Variants in FGFR4 observed in about 807,000 individuals in gnomAD.
The protein encoded by FGFR4 is hydroxyaryl-protein kinase.
In FGFR4, 63 loss-of-function variants were observed where a neutral mutation model predicts 89.9. The observed-to-expected ratio is 0.70, with a 90% confidence interval of 0.57 to 0.86. The LOEUF is 0.86. Ranked by LOEUF, FGFR4 falls within the 40% of genes least tolerant of loss-of-function variation. FGFR4 has a pLI of 0.00. For synonymous variants in FGFR4, 486 were observed against 479.4 expected (o/e 1.01, Z -0.18); for missense variants, 928 against 1,106.7 (o/e 0.84, Z 2.29).
rs1013915327 is a variant in FGFR4, at chr5:177,096,209, G to A, written c.1944+30G>A. On this transcript the variant is annotated intron_variant, in intron 14 of 17. Coordinates refer to ENST00000292408, the MANE Select transcript of FGFR4 (RefSeq NM_213647.3). ...GGGAGATGGGGCAGAACTGGATGGG[G>A]GTGGAGGGGCACTGGGCCCGGGGTG... The A allele has an allele frequency of 3.1e-6, 5 of 1,613,338 alleles. No individual in the cohort carries two copies. In the Admixed American group the frequency reaches 6.7e-5, roughly 22 times the overall value.
intron 15 of FGFR4, 116 bp downstream of exon 15, chr5:177,096,473 C>T (rs905140403): frequency 5.9e-5 from 90 of 1,521,698 alleles, no homozygotes; most frequent in Middle Eastern, 1.8e-4. Context: ...GTCTGGGACC[C>T]GAGTGGGCCC....
At position 177,092,376 on chromosome 5, in the gene FGFR4, C is replaced by T. The variant is rs45460599; in HGVS notation, c.783C>T (p.Ala261=). The T allele has an allele frequency of 2.3e-3, 3,657 of 1,607,078 alleles. 7 individuals are homozygous for T. Among genetic ancestry groups the T allele is most frequent in the Non-Finnish European group, 2.9e-3 (3,417 of 1,174,886 alleles). The part of the protein sequence containing the change: ...LQAGLPANTT[A]VVGSDVELLC... ...CCGGGCTCCCGGCCAACACCACAGCCGTGGTGGGCAGCGACGTGGAGCTGC... is the reference window on the plus strand; with the variant it reads ...CCGGGCTCCCGGCCAACACCACAGCTGTGGTGGGCAGCGACGTGGAGCTGC... The change falls in exon 7 of 18, where the codon GCC becomes GCT. Residue 261 remains alanine (A), a synonymous_variant. Coordinates refer to ENST00000292408, the MANE Select transcript of FGFR4 (RefSeq NM_213647.3).
chr5:177,097,098 T>G lies in FGFR4; in HGVS notation c.2154-194T>G. On this transcript the variant is annotated intron_variant, in intron 16 of 17. Transcript: ENST00000292408. ...CTCCTCCTTCTCTTCCTCCTCCTCC[T>G]CCTGCTCCTCTTCCTCCTCCTCCTC... is the stretch of plus-strand genomic sequence containing the variant. 2 of 171,176 alleles carry G rather than the reference T, an allele frequency of 1.2e-5. 1 individual carries two copies. Among genetic ancestry groups the G allele is most frequent in the Non-Finnish European group, 1.9e-5 (2 of 103,972 alleles). The allele number at this position is 171,176 out of a possible 1,614,324, so 10.6% of individuals were successfully genotyped here.
At chr5:177,089,727 G>A in intron 2 of FGFR4, 34 bp downstream of exon 2, 1 of 1,605,086 alleles carries the variant, frequency 6.2e-7, no homozygotes, top group Non-Finnish European at 8.5e-7. Flanking sequence ...GGTGGCAGGG[G>A]TGGGAAGAGT....
chr5:177,097,801 C>G lies in FGFR4; in HGVS notation c.*125C>G, dbSNP rs534512554. 1 of 1,252,616 alleles carries G rather than the reference C, an allele frequency of 8.0e-7. No individual in the cohort carries two copies. The highest frequency in any genetic ancestry group is 1.5e-5 in the African/African-American group (1 of 66,368). 77.6% of individuals were successfully genotyped at this position (1,252,616 alleles called of 1,614,324 possible). ...CTGGCCCAGAGTTGCTGTGCCGTGT[C>G]CAAGGGCCGTGCCCTTGCCCTTGGA... On this transcript the variant is annotated 3_prime_UTR_variant, in exon 18 of 18. Coordinates refer to ENST00000292408, the MANE Select transcript of FGFR4 (RefSeq NM_213647.3).
chr5:177,094,073 AAAAT>A (rs1784464617), intron 11 of FGFR4, among the ~76,000 whole-genome samples: 1 of 152,218 alleles, frequency 6.6e-6, no homozygotes, highest in Admixed American at 6.5e-5. Flanking sequence ...CCTATCTGAA[AAAAT>A]AAATAAATAA....
At position 177,093,361 on chromosome 5, in the gene FGFR4, G is replaced by A; in HGVS notation, c.1251+30G>A. 1.9e-6 allele frequency: 3 copies of A among 1,613,822 alleles called. No homozygotes were observed. Among genetic ancestry groups the A allele is most frequent in the Middle Eastern group, 1.6e-4 (1 of 6,062 alleles). On this transcript the variant is annotated intron_variant, in intron 9 of 17. Coordinates refer to ENST00000292408, the MANE Select transcript of FGFR4 (RefSeq NM_213647.3). The surrounding 1 kb of genome is among the most constrained non-coding windows in gnomAD (Gnocchi z 5.8). The stretch of plus-strand genomic sequence containing the variant: ...TGGGCGCATCCCCCACCTCACATGT[G>A]ACAGCCTGACTCCAGCAGGCAGAAC...
chr5:177,089,366 C>G (rs775386051), intron 1 of FGFR4, among the ~76,000 whole-genome samples, 184 bp from the exon 2 acceptor site: 1 of 152,140 alleles, frequency 6.6e-6, no homozygotes, highest in Non-Finnish European at 1.5e-5. Context: ...CACAACCTAC[C>G]GTGGGGAGGC....
intron 16 of FGFR4, 104 bp downstream of exon 16, chr5:177,096,845 C>T: frequency 7.3e-7 from 1 of 1,373,544 alleles, no homozygotes; most frequent in Admixed American, 2.0e-5. Context: ...ACACTAACAA[C>T]AACTCCTCGT....
chr5:177,091,199 G>T (rs1243514560), intron 5 of FGFR4, 95 bp downstream of exon 5: 2 of 1,432,224 alleles, frequency 1.4e-6, no homozygotes, highest in Non-Finnish European at 1.9e-6. Context: ...TCAATCGAAT[G>T]AGTGAAGCGA....
At chr5:177,089,831 G>GA (rs1215753117) in intron 2 of FGFR4, 138 bp downstream of exon 2, 1 of 1,081,208 alleles carries the variant, frequency 9.2e-7, no homozygotes, top group Admixed American at 2.0e-5. Flanking sequence ...CTCAACCACT[G>GA]AGACTCAGTC....
Position 177,090,127 on chromosome 5 carries a change from T to C in FGFR4, c.92-263T>C, listed in dbSNP as rs756021382. The C allele has an allele frequency of 1.0e-3, 631 of 619,572 alleles. 1 individual carries two copies. The highest frequency in any genetic ancestry group is 8.6e-4 in the Non-Finnish European group (301 of 348,502). 38.4% of individuals were successfully genotyped at this position (619,572 alleles called of 1,614,324 possible). A position where few individuals can be genotyped will look rare whatever the true frequency, so the allele number is the denominator to read the frequency against. On this transcript the variant is annotated intron_variant, in intron 2 of 17. Transcript: ENST00000292408. ...GTGTGTGTGTGTCCGTATGTGTGTG[T>C]GTGTATGCGTGTGTGTGTGTGTGTG...
Position 177,096,332 on chromosome 5 carries a change from C to G in FGFR4, c.1990C>G (p.Arg664Gly), listed in dbSNP as rs780720945. 5.0e-6 allele frequency: 8 copies of G among 1,614,004 alleles called. No homozygotes were observed. The South Asian group carries it at 8.8e-5, about 18-fold the overall frequency. ...KWMAPEALFD[R>G]VYTHQSDVWS... is the part of the protein sequence containing the mutation. ...GATGGCGCCCGAGGCCTTGTTTGACCGGGTGTACACACACCAGAGTGACGT... is the reference window on the plus strand; with the variant it reads ...GATGGCGCCCGAGGCCTTGTTTGACGGGGTGTACACACACCAGAGTGACGT... Residue 664 changes from arginine to glycine, a missense_variant, in exon 15 of 18, where the codon CGG becomes GGG. Transcript: ENST00000292408.
intron 3 of FGFR4, 26 bp from the exon 4 acceptor site, chr5:177,090,719 G>A: frequency 1.3e-6 from 2 of 1,575,112 alleles, no homozygotes; most frequent in Non-Finnish European, 1.7e-6. Context: ...TTGGACCTTA[G>A]ATGCTTCCCT....
At chr5:177,090,225 G>C (rs577678199) in intron 2 of FGFR4, 165 bp from the exon 3 acceptor site, 1 of 957,608 alleles carries the variant, frequency 1.0e-6, no homozygotes, top group Non-Finnish European at 1.6e-6. Flanking sequence ...TTTGCCCTGG[G>C]TGTGGCATCC....
intron 5 of FGFR4, 84 bp downstream of exon 5, chr5:177,091,188 A>G: frequency 6.9e-7 from 1 of 1,442,360 alleles, no homozygotes; most frequent in Non-Finnish European, 9.2e-7. Context: ...ATACCTATAA[A>G]TCAATCGAAT....
chr5:177,090,882 G>A, intron 4 of FGFR4, 56 bp from the exon 5 acceptor site: 1 of 1,614,086 alleles, frequency 6.2e-7, no homozygotes, highest in Non-Finnish European at 8.5e-7. Flanking sequence ...TCACTGAGAA[G>A]AGGAGGCCTG....
chr5:177,093,342 C>T lies in FGFR4; in HGVS notation c.1251+11C>T. ...CCTCTGGCCCGACAGGTACTGGGCG[C>T]ATCCCCCACCTCACATGTGACAGCC... On this transcript the variant is annotated intron_variant, in intron 9 of 17. Coordinates refer to ENST00000292408, the MANE Select transcript of FGFR4 (RefSeq NM_213647.3). This position sits in a 1 kb window ranked among gnomAD's most constrained non-coding sequence, Gnocchi z 5.8. 1.2e-6 allele frequency: 2 copies of T among 1,614,022 alleles called. No homozygotes were observed. Among genetic ancestry groups the T allele is most frequent in the Non-Finnish European group, 1.7e-6 (2 of 1,179,922 alleles).
In FGFR4 at chr5:177,090,402, C is replaced by T; in HGVS notation, c.104C>T (p.Ala35Val). The T allele has an allele frequency of 6.2e-7, 1 of 1,602,346 alleles. No individual in the cohort carries two copies. Among genetic ancestry groups the T allele is most frequent in the Non-Finnish European group, 8.5e-7 (1 of 1,179,936 alleles). ...CCTCTGCCCACAGAGCCCTGCCTGG[C>T]TCCCAGCCTGGAGCAGCAAGAGCAG... is the stretch of plus-strand genomic sequence containing the variant. Reference protein sequence around the residue: ...SEEVELEPCLAPSLEQQEQEL... With the variant: ...SEEVELEPCLVPSLEQQEQEL... The change falls in exon 3 of 18, where the codon GCT becomes GTT. Residue 35 changes from alanine to valine, a missense_variant. Around this residue, in one of 5 missense-constraint regions of FGFR4, gnomAD observed 741 missense variants for 836.9 expected, o/e 0.89. Transcript: ENST00000292408.
Sources: gnomAD v4.1 joint callset for allele counts (sites outside exome capture counted in the v4.1 genomes callset) on GRCh38, gnomAD v4.1.1 for gene constraint, gnomAD v4.1.1 regional missense constraint, Gnocchi (gnomAD v3.1) non-coding constraint, MANE v1.5 for transcripts, NCBI Gene and HGNC (gene_info 2026-07-23, HGNC 2026-07-21) for gene names.